The following SEC63 variants were observed in gnomAD, a reference collection of about 807,000 sequenced individuals.
The protein encoded by SEC63 is translocation protein SEC63 homolog.
A neutral mutation model predicts 116.2 loss-of-function variants in SEC63; 56 were observed. The ratio of observed to expected loss-of-function variants is 0.48; its 90% confidence interval spans 0.39 to 0.60. SEC63 has a LOEUF of 0.60. Ranked by LOEUF, SEC63 falls within the 20% of genes least tolerant of loss-of-function variation. The probability of loss-of-function intolerance (pLI) is 0.00; values close to 1 mark genes in which losing one functional copy is unlikely to be tolerated. For missense variants in SEC63, 668 were observed against 900.0 expected, an observed-to-expected ratio of 0.74 and a Z score of 3.30; for synonymous variants, 273 against 294.6, an observed-to-expected ratio of 0.93 and a Z score of 0.75.
intron 16 of SEC63, 29 bp downstream of exon 16, chr6:107,893,453 A>G (rs1786737399): frequency 2.5e-6 from 4 of 1,597,606 alleles, no homozygotes; most frequent in East Asian, 2.2e-5. Flanking sequence ...TTAGCTTAAT[A>G]ATGATAATAA....
At chr6:107,872,765 T>G in intron 20 of SEC63, 43 bp downstream of exon 20, 1 of 1,155,094 alleles carries the variant, frequency 8.7e-7, no homozygotes, top group Non-Finnish European at 1.3e-6. Flanking sequence ...TATTAAACAT[T>G]TATACAGAAA....
chr6:107,895,691 A>G (rs1786797186), intron 14 of SEC63, among the ~76,000 whole-genome samples: 1 of 152,012 alleles, frequency 6.6e-6, no homozygotes, highest in African/African-American at 2.4e-5. Flanking sequence ...TCAAAATACT[A>G]CAGTCTCTAC....
intron 1 of SEC63, chr6:107,932,364 G>A (rs901604091): frequency 1.3e-5 from 2 of 152,108 alleles, no homozygotes; most frequent in Non-Finnish European, 2.9e-5. Flanking sequence ...TTGGCATATA[G>A]AAGGTTCCAA....
chr6:107,925,668 A>G lies in SEC63; in HGVS notation c.225-736T>C, dbSNP rs72937380. ...AGAAAAAGAGAAACTCTCATACACT[A>G]TACACTCTAAAGTAATATCTGGCAG... is the stretch of plus-strand genomic sequence containing the variant. On this transcript the variant is annotated intron_variant, in intron 2 of 20. Coordinates refer to ENST00000369002, the MANE Select transcript of SEC63 (RefSeq NM_007214.5). Among the ~76,000 whole-genome samples the G allele has an allele frequency of 8.7e-3, 1,328 of 152,346 alleles. 7 individuals are homozygous for G. The highest frequency in any genetic ancestry group is 0.014 in the Middle Eastern group (4 of 294).
At position 107,909,256 on chromosome 6, in the gene SEC63, T is replaced by C. The variant is rs577172502; in HGVS notation, c.625-221A>G. 80 of 431,048 alleles carry C rather than the reference T, an allele frequency of 1.9e-4. 2 individuals carry two copies. Among genetic ancestry groups the C allele is most frequent in the South Asian group, 1.7e-3 (79 of 47,324 alleles). 26.7% of individuals were successfully genotyped at this position (431,048 alleles called of 1,614,324 possible). A position where few individuals can be genotyped will look rare whatever the true frequency, so the allele number is the denominator to read the frequency against. On this transcript the variant is annotated intron_variant, in intron 7 of 20. Coordinates refer to ENST00000369002, the MANE Select transcript of SEC63 (RefSeq NM_007214.5). ...AGCTGGGCATGGTGGCACATGCCTC[T>C]AGTCCCAGCTGCTCAGGAAGCTGAG...
At chr6:107,957,142 G>A (rs1770726181) in intron 1 of SEC63, 1 of 152,144 alleles carries the variant, frequency 6.6e-6, no homozygotes, top group Admixed American at 6.5e-5. Context: ...AATGTGAAAA[G>A]ACTTAGAACC....
chr6:107,882,238 C>T (rs1175311179), intron 17 of SEC63, among the ~76,000 whole-genome samples: 3 of 152,146 alleles, frequency 2.0e-5, no homozygotes, highest in Non-Finnish European at 4.4e-5. Flanking sequence ...TGAGGCTATT[C>T]AGGCAATCCC....
chr6:107,931,206 GT>G (rs1280534946), intron 1 of SEC63, among the ~76,000 whole-genome samples: 3 of 151,964 alleles, frequency 2.0e-5, no homozygotes, highest in Admixed American at 2.0e-4. Context: ...GCCAGGTGTG[GT>G]GGCGCGTGCC....
chr6:107,880,732 G>C (rs1239477612), intron 18 of SEC63, among the ~76,000 whole-genome samples: 2 of 152,146 alleles, frequency 1.3e-5, no homozygotes, highest in Non-Finnish European at 2.9e-5. Context: ...TCGCCAGCAG[G>C]ATCCTCAGAG....
At chr6:107,909,461 C>T (rs112700503) in intron 7 of SEC63, among the ~76,000 whole-genome samples, 1,678 of 151,770 alleles carry the variant, frequency 0.011, 34 homozygotes, top group African/African-American at 0.038. Context: ...TCTAAATATT[C>T]ATAAAACAAT....
At chr6:107,937,912 C>T (rs1770292484) in intron 1 of SEC63, among the ~76,000 whole-genome samples, 1 of 152,034 alleles carries the variant, frequency 6.6e-6, no homozygotes, top group Non-Finnish European at 1.5e-5. Flanking sequence ...GTTTAAGTTC[C>T]CTATACATTC....
In SEC63 at chr6:107,897,638, AGAC is replaced by A. The variant is rs1786889761; in HGVS notation, c.1440+8_1440+10del. On this transcript the variant is annotated splice_region_variant and intron_variant, in intron 14 of 20. Transcript: ENST00000369002. ...ACTCTTAAAGCATAAAAATACAGAT[AGAC>A]TACTTACAGCCATTGTTTGCCTTGT... 1 of 1,519,928 alleles carries A rather than the reference AGAC, an allele frequency of 6.6e-7. No homozygotes were observed. Among genetic ancestry groups the A allele is most frequent in the Non-Finnish European group, 9.1e-7 (1 of 1,094,554 alleles). 94.2% of individuals were successfully genotyped at this position (1,519,928 alleles called of 1,614,324 possible). A position where few individuals can be genotyped will look rare whatever the true frequency, so the allele number is the denominator to read the frequency against.
At chr6:107,875,575 G>A (rs1229020142) in intron 19 of SEC63, among the ~76,000 whole-genome samples, 17 of 151,994 alleles carry the variant, frequency 1.1e-4, no homozygotes, top group Admixed American at 1.0e-3. Flanking sequence ...ATTTTTACGG[G>A]GTGCACGTAT....
Position 107,932,701 on chromosome 6 carries a change from A to T in SEC63, c.125-3187T>A, listed in dbSNP as rs373089631. Among the ~76,000 whole-genome samples, 29 of 152,350 alleles carry T rather than the reference A, an allele frequency of 1.9e-4. No individual in the cohort carries two copies. The East Asian group carries it at 5.4e-3, about 28-fold the overall frequency. On this transcript the variant is annotated intron_variant, in intron 1 of 20. Coordinates refer to ENST00000369002, the MANE Select transcript of SEC63 (RefSeq NM_007214.5). ...TGAATGTCTTTTAATAAAGAAATAC[A>T]AATGCAGTTCTAAATACATATATAC... is the stretch of plus-strand genomic sequence containing the variant.
At chr6:107,913,508 C>A in intron 4 of SEC63, 81 bp from the exon 5 acceptor site, 1 of 933,168 alleles carries the variant, frequency 1.1e-6, no homozygotes, top group African/African-American at 1.6e-5. Context: ...CTCCATTAGC[C>A]AACCAACTCA....
chr6:107,871,989 C>T, intron 20 of SEC63, 142 bp from the exon 21 acceptor site: 1 of 777,548 alleles, frequency 1.3e-6, no homozygotes, highest in Non-Finnish European at 2.1e-6. Flanking sequence ...TCAACTCATT[C>T]ATTTAGAACA....
intron 1 of SEC63, among the ~76,000 whole-genome samples, chr6:107,939,269 G>C (rs1436087808): frequency 6.6e-6 from 1 of 152,120 alleles, no homozygotes; most frequent in Non-Finnish European, 1.5e-5. Flanking sequence ...GCAATGGCAT[G>C]AGACGGTGTC....
At chr6:107,953,212 A>G (rs1327444918) in intron 1 of SEC63, among the ~76,000 whole-genome samples, 1 of 152,224 alleles carries the variant, frequency 6.6e-6, no homozygotes, top group Non-Finnish European at 1.5e-5. Context: ...GTGAGCCGAG[A>G]TCACGCCACT....
rs1583745717 is a variant in SEC63 at position 107,906,339 on chromosome 6, G to T, written c.961+109C>A. On this transcript the variant is annotated intron_variant, in intron 10 of 20. Coordinates refer to ENST00000369002, the MANE Select transcript of SEC63 (RefSeq NM_007214.5). ...TTTGTTTATATATTACCCAGCCTCA[G>T]GTATTTCTTTAGAGCAATGCGAGAA... 6 of 1,168,196 alleles carry T rather than the reference G, an allele frequency of 5.1e-6. No homozygotes were observed. In the East Asian group the frequency reaches 1.4e-4, roughly 27 times the overall value. The allele number at this position is 1,168,196 out of a possible 1,614,324, so 72.4% of individuals were successfully genotyped here.
Sources: gnomAD v4.1 joint callset for allele counts (sites outside exome capture counted in the v4.1 genomes callset) on GRCh38, gnomAD v4.1.1 for gene constraint, MANE v1.5 for transcripts, NCBI Gene and HGNC (gene_info 2026-07-23, HGNC 2026-07-21) for gene names.